The following FBXO34 variants were observed in gnomAD, a reference collection of about 807,000 sequenced individuals.
The protein encoded by FBXO34 is F-box only protein 34.
Under a neutral mutation model 24.5 loss-of-function variants are expected in FBXO34, and 12 were observed. The observed-to-expected ratio is 0.49, with a 90% CI of 0.31 to 0.79. FBXO34 has a LOEUF of 0.79. Among genes scored for constraint, FBXO34 ranks in the 30% least tolerant of loss-of-function variants. The pLI is 0.04. For synonymous variants in FBXO34, 320 were observed against 311.9 expected, an observed-to-expected ratio of 1.03 and a Z score of -0.27; for missense variants, 823 against 857.7, an observed-to-expected ratio of 0.96 and a Z score of 0.51.
At chr14:55,439,930 C>CAAAAAAAAAAAAAAAAA in the FBXO34 span, among the ~76,000 whole-genome samples, 16 of 39,166 alleles carry the variant, frequency 4.1e-4, no homozygotes, top group East Asian at 2.5e-3. Context: ...GACTCTGTCT[C>CAAAAAAAAAAAAAAAAA]AAAAAAAAAA....
chr14:55,372,593 C>T (rs1884843918), downstream of FBXO34, among the ~76,000 whole-genome samples: 1 of 151,722 alleles, frequency 6.6e-6, no homozygotes, highest in Admixed American at 6.6e-5. Flanking sequence ...CTTCCTCACT[C>T]CTTCCCTTCC....
At chr14:55,372,907 T>C (rs1234470857), downstream of FBXO34, among the ~76,000 whole-genome samples, 1 of 152,118 alleles carries the variant, frequency 6.6e-6, no homozygotes, top group African/African-American at 2.4e-5. Context: ...CTCAGCTAAG[T>C]ACAATGAAAA....
At chr14:55,290,067 T>A (rs542654609) in intron 1 of FBXO34, among the ~76,000 whole-genome samples, 1 of 152,286 alleles carries the variant, frequency 6.6e-6, no homozygotes, top group East Asian at 1.9e-4. Flanking sequence ...CATGGTGTGC[T>A]GTTTTTCTCT....
chr14:55,423,884 G>A, the FBXO34 span, among the ~76,000 whole-genome samples: 1 of 152,264 alleles, frequency 6.6e-6, no homozygotes, highest in East Asian at 1.9e-4. Flanking sequence ...GTTTGTAACA[G>A]TAAGTTTAAG....
At chr14:55,354,006 C>T (rs1173991548), downstream of FBXO34, among the ~76,000 whole-genome samples, 5 of 152,090 alleles carry the variant, frequency 3.3e-5, no homozygotes, top group Middle Eastern at 3.2e-3. Flanking sequence ...GGCTTGAAAT[C>T]GAGTACCCAC....
downstream of FBXO34, among the ~76,000 whole-genome samples, chr14:55,365,524 A>G (rs1013672490): frequency 7.2e-5 from 11 of 152,116 alleles, no homozygotes; most frequent in Non-Finnish European, 1.3e-4. Context: ...GGTACATTTT[A>G]TTGATGCAAC....
the FBXO34 span, among the ~76,000 whole-genome samples, chr14:55,406,385 T>C: frequency 1.8e-3 from 273 of 152,266 alleles, 1 homozygote; most frequent in African/African-American, 6.3e-3. Context: ...TAACAAGTGG[T>C]TTTCTACAGT....
the FBXO34 span, chr14:55,436,532 G>C: frequency 6.3e-7 from 1 of 1,579,538 alleles, no homozygotes; most frequent in Non-Finnish European, 8.7e-7. Context: ...TACCCAATGT[G>C]CTCAATTAAA....
chr14:55,388,762 C>G, the FBXO34 span, among the ~76,000 whole-genome samples: 3 of 152,124 alleles, frequency 2.0e-5, no homozygotes, highest in Admixed American at 6.6e-5. Context: ...TTTTCTAAGT[C>G]TGGTCTAGAG....
At chr14:55,410,794 C>G in the FBXO34 span, among the ~76,000 whole-genome samples, 1 of 152,212 alleles carries the variant, frequency 6.6e-6, no homozygotes, top group Non-Finnish European at 1.5e-5. Flanking sequence ...TTTTTGTGCT[C>G]AGAATGCTAG....
chr14:55,311,056 C>T lies in FBXO34; in HGVS notation c.-10-39325C>T, dbSNP rs542352245. ...TTGCAATTTACATATTGTATTAGTC[C>T]ACACTGCTGCAAAAAAACTGCCTGA... On this transcript the variant is annotated intron_variant, in intron 1 of 1. Transcript: ENST00000313833. 2.6e-5 allele frequency among the ~76,000 whole-genome samples: 4 copies of T among 152,186 alleles called. No individual in the cohort carries two copies. In the South Asian group the frequency reaches 8.3e-4, roughly 32 times the overall value.
the FBXO34 span, among the ~76,000 whole-genome samples, chr14:55,406,002 T>C: frequency 2.5e-3 from 388 of 152,268 alleles, 1 homozygote; most frequent in Admixed American, 6.0e-3. Context: ...ACCAAAGTTG[T>C]AGGGAAGTCT....
intron 1 of FBXO34, among the ~76,000 whole-genome samples, chr14:55,296,382 G>GTTTTTTTTTTTTTTTTTTTTTTTTT (rs1285557004): frequency 1.0e-5 from 1 of 95,784 alleles, no homozygotes; most frequent in Non-Finnish European, 2.1e-5. Flanking sequence ...CTGTTCTTGT[G>GTTTTTTTTTTTTTTTTTTTTTTTTT]TTTTTTTTGT....
At chr14:55,370,258 G>A (rs1055702156), downstream of FBXO34, among the ~76,000 whole-genome samples, 3 of 152,180 alleles carry the variant, frequency 2.0e-5, no homozygotes, top group Non-Finnish European at 4.4e-5. Flanking sequence ...GAACTGCAGT[G>A]TCTACGAAGT....
chr14:55,313,639 A>G (rs1484537105), intron 1 of FBXO34, among the ~76,000 whole-genome samples: 3 of 152,204 alleles, frequency 2.0e-5, no homozygotes, highest in Non-Finnish European at 4.4e-5. Context: ...ACTTACAATC[A>G]TGGCACAAGG....
intron 1 of FBXO34, chr14:55,298,744 A>G (rs1432407353): frequency 3.8e-6 from 6 of 1,571,980 alleles, no homozygotes; most frequent in East Asian, 2.2e-5. Flanking sequence ...AGCAAGAAAC[A>G]GGAGTTCCTG....
intron 1 of FBXO34, among the ~76,000 whole-genome samples, chr14:55,323,256 G>T (rs1883227190): frequency 2.1e-5 from 2 of 97,076 alleles, no homozygotes; most frequent in Admixed American, 1.3e-4. Context: ...TTTAGAGACA[G>T]AGTCTCACTT....
At chr14:55,359,232 G>A (rs1179844327) in intron 3 of FBXO34, among the ~76,000 whole-genome samples, 1 of 152,050 alleles carries the variant, frequency 6.6e-6, no homozygotes, top group Non-Finnish European at 1.5e-5. Context: ...CTTCCCAAAG[G>A]CCAGTGCAAA....
At chr14:55,419,125 C>T in the FBXO34 span, among the ~76,000 whole-genome samples, 1 of 152,276 alleles carries the variant, frequency 6.6e-6, no homozygotes, top group South Asian at 2.1e-4. Context: ...CAGGAGACCA[C>T]ACAGGTGTTA....
Sources: gnomAD v4.1 joint callset for allele counts (sites outside exome capture counted in the v4.1 genomes callset) on GRCh38, gnomAD v4.1.1 for gene constraint, MANE v1.5 for transcripts, NCBI Gene and HGNC (gene_info 2026-07-23, HGNC 2026-07-21) for gene names.